QTGAL: variants seen among roughly 807,000 people sequenced by gnomAD.
The protein encoded by QTGAL is queuosine-tRNA galactosyltransferase.
At chr17:83,033,706 C>G in the QTGAL span, among the ~76,000 whole-genome samples, 7 of 152,038 alleles carry the variant, frequency 4.6e-5, no homozygotes, top group East Asian at 1.4e-3. Flanking sequence ...CTCCTGACCT[C>G]GTGATCCACC....
At chr17:82,966,227 A>G in the QTGAL span, among the ~76,000 whole-genome samples, 1 of 149,808 alleles carries the variant, frequency 6.7e-6, no homozygotes, top group Non-Finnish European at 1.5e-5. Flanking sequence ...ATTTTCTTAC[A>G]TTTCTTTTGT....
chr17:83,037,583 A>C, the QTGAL span, among the ~76,000 whole-genome samples: 2 of 152,198 alleles, frequency 1.3e-5, no homozygotes, highest in Non-Finnish European at 1.5e-5. The surrounding 1 kb of genome is among the most constrained non-coding windows in gnomAD (Gnocchi z 5.2). Flanking sequence ...GCTGCAGCCA[A>C]GCCTCCATCA....
the QTGAL span, chr17:83,051,708 G>C: frequency 1.4e-6 from 2 of 1,467,662 alleles, no homozygotes; most frequent in Non-Finnish European, 9.0e-7. Flanking sequence ...CAGCCTGCAC[G>C]GCGGGGCACC....
chr17:82,988,542 A>C, the QTGAL span, among the ~76,000 whole-genome samples: 3 of 152,224 alleles, frequency 2.0e-5, no homozygotes, highest in African/African-American at 7.2e-5. Flanking sequence ...TGCACAGCAA[A>C]AGAAACTACA....
chr17:82,962,674 GTAT>G, the QTGAL span, among the ~76,000 whole-genome samples: 12,232 of 122,842 alleles, frequency 0.1, 1,008 homozygotes, highest in Middle Eastern at 0.13. Context: ...GGTCACTGAG[GTAT>G]TTTCTTTAAT....
At chr17:83,025,239 C>T in the QTGAL span, among the ~76,000 whole-genome samples, 2 of 31,858 alleles carry the variant, frequency 6.3e-5, no homozygotes, top group East Asian at 9.5e-4. Context: ...ACACGGACAC[C>T]GCGGAGTCCA....
chr17:83,040,441 C>A, the QTGAL span, among the ~76,000 whole-genome samples: 2 of 152,214 alleles, frequency 1.3e-5, no homozygotes, highest in African/African-American at 4.8e-5. Flanking sequence ...ACAATCAAAG[C>A]TAAGAACACA....
the QTGAL span, among the ~76,000 whole-genome samples, chr17:82,970,859 G>GT: frequency 6.6e-6 from 1 of 152,358 alleles, no homozygotes; most frequent in African/African-American, 2.4e-5. Flanking sequence ...TCTGGTTGGG[G>GT]TATGTCCAAG....
the QTGAL span, among the ~76,000 whole-genome samples, chr17:82,986,092 C>G: frequency 3.9e-5 from 6 of 152,220 alleles, no homozygotes; most frequent in African/African-American, 1.4e-4. Flanking sequence ...GCGAGGGACT[C>G]TGCACACCCT....
chr17:82,982,140 T>C, the QTGAL span, among the ~76,000 whole-genome samples: 98 of 7,742 alleles, frequency 0.013, 8 homozygotes, highest in African/African-American at 0.049. Context: ...TTCTCACCTC[T>C]GTGGTGATGG....
At chr17:82,951,561 T>C in the QTGAL span, among the ~76,000 whole-genome samples, 8 of 152,226 alleles carry the variant, frequency 5.3e-5, no homozygotes, top group African/African-American at 1.9e-4. Context: ...TTTAATTTCC[T>C]TCAATAACTT....
At chr17:82,946,347 G>A in the QTGAL span, among the ~76,000 whole-genome samples, 2 of 152,216 alleles carry the variant, frequency 1.3e-5, no homozygotes, top group Non-Finnish European at 2.9e-5. Context: ...ATTAGGAATA[G>A]ATTACTATAT....
the QTGAL span, among the ~76,000 whole-genome samples, chr17:83,019,300 CAA>C: frequency 6.6e-6 from 1 of 152,014 alleles, no homozygotes. Context: ...GGCCAGTGCG[CAA>C]AGACAGCCAG....
the QTGAL span, chr17:82,948,938 AATTTG>A: frequency 6.6e-6 from 1 of 152,282 alleles, no homozygotes; most frequent in Non-Finnish European, 1.5e-5. Flanking sequence ...AAAGTCACTT[AATTTG>A]ATTATATCAC....
At chr17:83,051,111 G>C in the QTGAL span, among the ~76,000 whole-genome samples, 1 of 149,716 alleles carries the variant, frequency 6.7e-6, no homozygotes, top group African/African-American at 2.5e-5. Flanking sequence ...AGGTGCGCGG[G>C]GGCGAGTCAG....
chr17:83,005,162 A>G, the QTGAL span: 1 of 1,611,026 alleles, frequency 6.2e-7, no homozygotes, highest in East Asian at 2.2e-5. The surrounding 1 kb of genome is among the most constrained non-coding windows in gnomAD (Gnocchi z 5.6). Flanking sequence ...CAACGTGTGT[A>G]TCGTTCGGTG....
chr17:82,959,246 G>A, the QTGAL span, among the ~76,000 whole-genome samples: 81 of 152,024 alleles, frequency 5.3e-4, no homozygotes, highest in South Asian at 1.2e-3. Context: ...GTGTGTACAC[G>A]CATGTGTACA....
chr17:82,949,659 G>T, the QTGAL span: 1 of 152,012 alleles, frequency 6.6e-6, no homozygotes, highest in Non-Finnish European at 1.5e-5. Flanking sequence ...GAGCGTCGGC[G>T]TCAGGGAGAC....
chr17:83,051,710 C>CG, the QTGAL span: 1 of 1,473,148 alleles, frequency 6.8e-7, no homozygotes, highest in Non-Finnish European at 8.9e-7. Flanking sequence ...GCCTGCACGG[C>CG]GGGGCACCCT....
Sources: allele counts gnomAD v4.1 joint callset (sites outside exome capture counted in the v4.1 genomes callset), GRCh38; gene constraint gnomAD v4.1.1; non-coding constraint Gnocchi (gnomAD v3.1); transcripts MANE v1.5; gene names NCBI Gene and HGNC (gene_info 2026-07-23, HGNC 2026-07-21).